Variants in KCNH7 observed in about 807,000 individuals in gnomAD.
KCNH7 encodes voltage-gated inwardly rectifying potassium channel KCNH7.
A neutral mutation model predicts 120.8 loss-of-function variants in KCNH7; 49 were observed. The observed-to-expected ratio is 0.41, with a 90% confidence interval of 0.32 to 0.51. The LOEUF (loss-of-function observed/expected upper bound fraction) is 0.51, where lower values mean the gene tolerates loss of function less well. Ranked by LOEUF, KCNH7 falls within the 20% of genes least tolerant of loss-of-function variation. The pLI, the probability that KCNH7 is intolerant of heterozygous loss-of-function variation, is 0.38. For missense variants in KCNH7, 1,097 were observed against 1,446.6 expected (o/e 0.76, Z 3.92); for synonymous variants, 547 against 516.1 (o/e 1.06, Z -0.81).
chr2:162,489,836 T>C (rs1690230047), intron 6 of KCNH7, among the ~76,000 whole-genome samples: 1 of 152,172 alleles, frequency 6.6e-6, no homozygotes, highest in African/African-American at 2.4e-5. Flanking sequence ...ATTCTATAAA[T>C]AACAACAAGA....
chr2:162,472,100 A>C (rs985983676), intron 6 of KCNH7, among the ~76,000 whole-genome samples: 8 of 152,206 alleles, frequency 5.3e-5, no homozygotes, highest in African/African-American at 1.7e-4. Context: ...AGATGGATTA[A>C]AGACTTAAAT....
intron 2 of KCNH7, among the ~76,000 whole-genome samples, chr2:162,579,583 G>A (rs936695346): frequency 2.6e-5 from 4 of 151,984 alleles, no homozygotes; most frequent in African/African-American, 9.7e-5. Flanking sequence ...CTCATCCTTG[G>A]TGCAGTGAAA....
At chr2:162,578,957 T>C (rs532322895) in intron 2 of KCNH7, among the ~76,000 whole-genome samples, 1 of 151,874 alleles carries the variant, frequency 6.6e-6, no homozygotes, top group Middle Eastern at 3.4e-3. Flanking sequence ...GGCAAGGAAA[T>C]CAATTGTATG....
chr2:162,706,085 GT>G (rs1451975680), intron 2 of KCNH7, among the ~76,000 whole-genome samples: 1 of 152,080 alleles, frequency 6.6e-6, no homozygotes, highest in Non-Finnish European at 1.5e-5. Flanking sequence ...TCTGCTAAAT[GT>G]ACAATCTTTT....
chr2:162,670,199 A>C (rs1685295106), intron 2 of KCNH7, among the ~76,000 whole-genome samples: 1 of 151,448 alleles, frequency 6.6e-6, no homozygotes, highest in African/African-American at 2.4e-5. Context: ...TTGGTCAGGC[A>C]TGGTAGCTCA....
intron 8 of KCNH7, among the ~76,000 whole-genome samples, chr2:162,431,354 T>G (rs893790979): frequency 6.6e-6 from 1 of 151,956 alleles, no homozygotes; most frequent in Non-Finnish European, 1.5e-5. Flanking sequence ...CAGGCTAAAA[T>G]AAGGCCACTA....
At chr2:162,476,546 C>T (rs1689755286) in intron 6 of KCNH7, among the ~76,000 whole-genome samples, 1 of 151,996 alleles carries the variant, frequency 6.6e-6, no homozygotes, top group African/African-American at 2.4e-5. Flanking sequence ...ATTTTCTTAC[C>T]AGTTCATTTT....
intron 13 of KCNH7, 59 bp downstream of exon 13, chr2:162,384,629 A>G: frequency 1.3e-6 from 2 of 1,527,036 alleles, no homozygotes; most frequent in Middle Eastern, 3.5e-4. Flanking sequence ...ATTTGTAAAA[A>G]GTCACCATTT....
At chr2:162,517,392 T>C (rs930544827) in intron 4 of KCNH7, among the ~76,000 whole-genome samples, 9 of 151,848 alleles carry the variant, frequency 5.9e-5, no homozygotes, top group African/African-American at 1.9e-4. Flanking sequence ...ATTTGCTAAA[T>C]GCAGCAAAAT....
At chr2:162,389,007 G>T (rs935382031) in intron 12 of KCNH7, among the ~76,000 whole-genome samples, 2 of 151,870 alleles carry the variant, frequency 1.3e-5, no homozygotes, top group Non-Finnish European at 2.9e-5. Flanking sequence ...TCTTGAAAAG[G>T]GTTCTTGTTT....
intron 2 of KCNH7, among the ~76,000 whole-genome samples, chr2:162,700,930 G>C (rs1456848729): frequency 1.3e-5 from 2 of 152,130 alleles, no homozygotes; most frequent in Admixed American, 1.3e-4. Flanking sequence ...TCTCTTTAAG[G>C]CTTTGGGATT....
intron 2 of KCNH7, among the ~76,000 whole-genome samples, chr2:162,753,029 A>ACAAGAAAAGAAAAGAAAAGAAAAG: frequency 7.2e-6 from 1 of 139,852 alleles, no homozygotes; most frequent in South Asian, 2.3e-4. Context: ...AAAAGAAAAG[A>ACAAGAAAAGAAAAGAAAAGAAAAG]AACCCTGACT....
At chr2:162,654,864 G>A (rs1420957462) in intron 2 of KCNH7, among the ~76,000 whole-genome samples, 1 of 152,088 alleles carries the variant, frequency 6.6e-6, no homozygotes, top group Non-Finnish European at 1.5e-5. Context: ...TATATTAAAT[G>A]AAATAAGTCA....
chr2:162,594,861 T>G (rs1158941111), intron 2 of KCNH7, among the ~76,000 whole-genome samples: 1 of 152,136 alleles, frequency 6.6e-6, no homozygotes, highest in Middle Eastern at 3.4e-3. Context: ...CCATGAGGGA[T>G]TCCAGAACCA....
At chr2:162,831,872 T>A (rs1685491786) in intron 2 of KCNH7, among the ~76,000 whole-genome samples, 1 of 152,154 alleles carries the variant, frequency 6.6e-6, no homozygotes, top group African/African-American at 2.4e-5. Flanking sequence ...AGGTGTGATG[T>A]TGGTGAATGG....
chr2:162,577,097 T>G (rs1171412270), intron 2 of KCNH7, among the ~76,000 whole-genome samples: 1 of 151,770 alleles, frequency 6.6e-6, no homozygotes, highest in East Asian at 1.9e-4. Context: ...AAAATTTTTT[T>G]TTTGTAGAAA....
chr2:162,756,720 C>T (rs901836336), intron 2 of KCNH7, among the ~76,000 whole-genome samples: 2 of 152,108 alleles, frequency 1.3e-5, no homozygotes, highest in Admixed American at 6.6e-5. Flanking sequence ...GCGTTGGCCT[C>T]CCAAAGTGCT....
chr2:162,769,934 A>G (rs1160042649), intron 2 of KCNH7, among the ~76,000 whole-genome samples: 1 of 152,062 alleles, frequency 6.6e-6, no homozygotes, highest in African/African-American at 2.4e-5. Flanking sequence ...CATGTTTTTA[A>G]CCCTTTGGGA....
intron 2 of KCNH7, among the ~76,000 whole-genome samples, chr2:162,735,498 A>G (rs1036334335): frequency 6.6e-6 from 1 of 152,194 alleles, no homozygotes; most frequent in African/African-American, 2.4e-5. Context: ...TCCTATAGAT[A>G]ATGTCACTAT....
Sources: allele counts gnomAD v4.1 joint callset (sites outside exome capture counted in the v4.1 genomes callset), GRCh38; gene constraint gnomAD v4.1.1; transcripts MANE v1.5; gene names NCBI Gene and HGNC (gene_info 2026-07-23, HGNC 2026-07-21).